PTCHD4: variants seen among roughly 807,000 people sequenced by gnomAD.
The protein encoded by PTCHD4 is patched domain containing 4.
PTCHD4 carries 33 observed loss-of-function variants against 58.1 expected under a neutral mutation model. The ratio of observed to expected loss-of-function variants is 0.57; its 90% CI spans 0.43 to 0.76. PTCHD4 has a LOEUF of 0.76. Among genes scored for constraint, PTCHD4 ranks in the 30% least tolerant of loss-of-function variants. The pLI is 0.00. For missense variants in PTCHD4, 1,058 were observed against 1,027.1 expected (o/e 1.03, Z -0.41); for synonymous variants, 478 against 409.6 (o/e 1.17, Z -2.02).
intron 4 of PTCHD4, among the ~76,000 whole-genome samples, chr6:47,948,265 G>T (rs916378195): frequency 5.9e-5 from 9 of 152,196 alleles, no homozygotes; most frequent in Non-Finnish European, 1.2e-4. Flanking sequence ...TTGCCCTGTG[G>T]GCTTTCCAAT....
chr6:48,001,507 G>A (rs1768721173), intron 4 of PTCHD4, among the ~76,000 whole-genome samples: 1 of 152,212 alleles, frequency 6.6e-6, no homozygotes, highest in South Asian at 2.1e-4. Flanking sequence ...AAGAACTGGG[G>A]AAAGGATTCC....
At chr6:47,911,618 A>G (rs1576277) in intron 4 of PTCHD4, among the ~76,000 whole-genome samples, 84,285 of 151,880 alleles carry the variant, frequency 0.55, 25,066 homozygotes, top group East Asian at 0.78. Flanking sequence ...CATTGACTGA[A>G]TTGGTAAAGA....
chr6:48,103,550 C>A (rs1401938755), intron 1 of PTCHD4, among the ~76,000 whole-genome samples: 2 of 152,190 alleles, frequency 1.3e-5, no homozygotes, highest in Non-Finnish European at 2.9e-5. Context: ...CGCCTCTCCT[C>A]CTCCAAAGGA....
At chr6:48,001,735 C>A (rs1300722188) in intron 4 of PTCHD4, among the ~76,000 whole-genome samples, 1 of 152,172 alleles carries the variant, frequency 6.6e-6, no homozygotes, top group East Asian at 1.9e-4. Flanking sequence ...AAAGCAATGG[C>A]AACAAAAGCC....
At position 48,111,143 on chromosome 6, in the gene PTCHD4, C is replaced by T. The variant is rs977196410; in HGVS notation, c.-1064G>A. The stretch of plus-strand genomic sequence containing the variant: ...TTATTTCTTCTCTGCTACTTCTCTG[C>T]CATACTGTGGTTGGTAGTGGCTGCA... On this transcript the variant is annotated 5_prime_UTR_variant, in exon 1 of 5. An upstream open reading frame in the 5' UTR gains an earlier in-frame stop. Transcript: ENST00000339488. Among the ~76,000 whole-genome samples the T allele has an allele frequency of 7.9e-5, 12 of 152,072 alleles. No individual in the cohort carries two copies. Among genetic ancestry groups the T allele is most frequent in the African/African-American group, 2.2e-4 (9 of 41,416 alleles).
intron 3 of PTCHD4, among the ~76,000 whole-genome samples, chr6:48,019,743 A>C (rs1466793491): frequency 6.6e-6 from 1 of 150,824 alleles, no homozygotes; most frequent in Non-Finnish European, 1.5e-5. Flanking sequence ...CTCAAAAAAA[A>C]AAAAAATAAT....
intron 4 of PTCHD4, among the ~76,000 whole-genome samples, chr6:47,975,552 C>T (rs761568364): frequency 1.8e-4 from 28 of 152,174 alleles, no homozygotes; most frequent in Non-Finnish European, 3.8e-4. Context: ...TTGCTAGCTA[C>T]TAATCTTGTC....
intron 1 of PTCHD4, among the ~76,000 whole-genome samples, chr6:48,090,230 T>C (rs1765338352): frequency 6.6e-6 from 1 of 152,218 alleles, no homozygotes; most frequent in African/African-American, 2.4e-5. Context: ...CAGAAATGCA[T>C]GCAATTATTA....
chr6:48,044,994 G>A (rs1763982363), intron 3 of PTCHD4, among the ~76,000 whole-genome samples: 2 of 151,816 alleles, frequency 1.3e-5, no homozygotes, highest in South Asian at 4.1e-4. Context: ...TACAGAATAT[G>A]CCCCATTTCT....
intron 4 of PTCHD4, among the ~76,000 whole-genome samples, chr6:47,917,491 C>T (rs1765298243): frequency 6.6e-6 from 1 of 152,156 alleles, no homozygotes; most frequent in Non-Finnish European, 1.5e-5. Context: ...CTATAAACCA[C>T]CTCACACTGG....
intron 4 of PTCHD4, chr6:47,901,628 G>A (rs769275189): frequency 5.5e-6 from 6 of 1,090,842 alleles, no homozygotes; most frequent in Admixed American, 8.8e-5. Flanking sequence ...AGAAAAGACA[G>A]TATGGGTTAC....
At chr6:47,981,530 T>C (rs1767882896) in intron 4 of PTCHD4, among the ~76,000 whole-genome samples, 1 of 152,156 alleles carries the variant, frequency 6.6e-6, no homozygotes, top group Non-Finnish European at 1.5e-5. Context: ...ATTTTTTCTA[T>C]TTTTAGGGAA....
chr6:48,095,067 G>A lies in PTCHD4; in HGVS notation c.-970+15982C>T, dbSNP rs112405927. 7.0e-3 allele frequency among the ~76,000 whole-genome samples: 1,071 copies of A among 152,174 alleles called. 10 individuals carry two copies. Among genetic ancestry groups the A allele is most frequent in the African/African-American group, 0.025 (1,021 of 41,524 alleles). On this transcript the variant is annotated intron_variant, in intron 1 of 4. Coordinates refer to ENST00000339488, the MANE Select transcript of PTCHD4 (RefSeq NM_001384253.1). ...TATAAATGGACATGAGAAAATTTTC[G>A]GGGATTGTGGACATGTTCATTATCT...
chr6:48,018,994 T>C (rs116415939), intron 3 of PTCHD4, among the ~76,000 whole-genome samples: 2,757 of 152,344 alleles, frequency 0.018, 39 homozygotes, highest in South Asian at 0.047. Flanking sequence ...CCAGAGGCTA[T>C]AGGACTATGA....
chr6:48,018,114 A>G (rs974864614), intron 3 of PTCHD4, among the ~76,000 whole-genome samples: 1 of 152,228 alleles, frequency 6.6e-6, no homozygotes, highest in Non-Finnish European at 1.5e-5. Flanking sequence ...TTATTCACTT[A>G]TCCATCTAAG....
intron 4 of PTCHD4, among the ~76,000 whole-genome samples, chr6:47,898,935 G>A (rs1367512620): frequency 6.6e-6 from 1 of 152,158 alleles, no homozygotes; most frequent in East Asian, 1.9e-4. Flanking sequence ...CCAATGAGAG[G>A]GGTCATGCTC....
intron 4 of PTCHD4, among the ~76,000 whole-genome samples, chr6:47,958,419 G>C (rs1561978148): frequency 6.6e-6 from 1 of 152,128 alleles, no homozygotes; most frequent in East Asian, 1.9e-4. Context: ...TCAAAATATG[G>C]GCATCAGACA....
chr6:47,864,161 T>A lies in PTCHD4; in HGVS notation c.*14142A>T, dbSNP rs1433475045. The stretch of plus-strand genomic sequence containing the variant: ...TGAAAACTTGTTAGAAATGTAAATT[T>A]TCAGGCCTCACTCCAGATCTATTGA... On this transcript the variant is annotated 3_prime_UTR_variant, in exon 5 of 5. Coordinates refer to ENST00000339488, the MANE Select transcript of PTCHD4 (RefSeq NM_001384253.1). Among the ~76,000 whole-genome samples, 1 of 151,940 alleles carries A rather than the reference T, an allele frequency of 6.6e-6. No individual in the cohort carries two copies. Among genetic ancestry groups the A allele is most frequent in the African/African-American group, 2.4e-5 (1 of 41,402 alleles).
chr6:47,892,324 GA>G (rs1409362632), intron 4 of PTCHD4, among the ~76,000 whole-genome samples: 1 of 152,154 alleles, frequency 6.6e-6, no homozygotes, highest in Non-Finnish European at 1.5e-5. Context: ...AGAACTTGCA[GA>G]AATAACAATT....
Sources: allele counts gnomAD v4.1 joint callset (sites outside exome capture counted in the v4.1 genomes callset), GRCh38; gene constraint gnomAD v4.1.1; transcripts MANE v1.5; gene names NCBI Gene and HGNC (gene_info 2026-07-23, HGNC 2026-07-21).